Variants in FHIT observed in about 807,000 individuals in gnomAD.
FHIT encodes the protein bis(5'-adenosyl)-triphosphatase.
Under a neutral mutation model 17.9 loss-of-function variants are expected in FHIT, and 19 were observed. The observed-to-expected ratio is 1.06, with a 90% CI of 0.74 to 1.56. The LOEUF (loss-of-function observed/expected upper bound fraction) is 1.56, where lower values mean the gene tolerates loss of function less well. Ranked by LOEUF, FHIT falls within the 40% of genes most tolerant of loss-of-function variation. The pLI, the probability that FHIT is intolerant of heterozygous loss-of-function variation, is 0.00. For missense variants in FHIT, 248 were observed against 189.2 expected (o/e 1.31, Z -1.82); for synonymous variants, 81 against 69.7 (o/e 1.16, Z -0.81).
intron 4 of FHIT, among the ~76,000 whole-genome samples, chr3:60,810,541 C>T (rs1451101377): frequency 3.9e-5 from 6 of 152,134 alleles, no homozygotes; most frequent in African/African-American, 1.2e-4. Flanking sequence ...CAAGAGAGCA[C>T]TACACATTAG....
At chr3:60,163,652 T>C (rs1289745358) in intron 5 of FHIT, among the ~76,000 whole-genome samples, 1 of 152,168 alleles carries the variant, frequency 6.6e-6, no homozygotes, top group Non-Finnish European at 1.5e-5. Flanking sequence ...TTCTATGGTT[T>C]ACAGCAGAGT....
At chr3:61,208,480 T>C (rs1049844136) in intron 1 of FHIT, among the ~76,000 whole-genome samples, 2 of 152,106 alleles carry the variant, frequency 1.3e-5, no homozygotes, top group African/African-American at 4.8e-5. Context: ...AGGACTTGCT[T>C]TATGAATCTG....
At chr3:60,712,188 G>C (rs1369907416) in intron 4 of FHIT, among the ~76,000 whole-genome samples, 1 of 152,114 alleles carries the variant, frequency 6.6e-6, no homozygotes, top group Non-Finnish European at 1.5e-5. Flanking sequence ...AGCTTCATAA[G>C]TGAAGGAGAA....
chr3:60,358,531 A>T (rs1699769235), intron 5 of FHIT, among the ~76,000 whole-genome samples: 3 of 152,242 alleles, frequency 2.0e-5, no homozygotes, highest in Admixed American at 2.0e-4. Flanking sequence ...ATCATTGAGC[A>T]AATATTACTG....
At chr3:59,773,143 G>C (rs1466361524) in intron 8 of FHIT, among the ~76,000 whole-genome samples, 3 of 152,164 alleles carry the variant, frequency 2.0e-5, no homozygotes, top group Non-Finnish European at 4.4e-5. Flanking sequence ...ATCTTATTCT[G>C]TAAGGCCCCT....
intron 3 of FHIT, among the ~76,000 whole-genome samples, chr3:60,991,571 A>G (rs2030219220): frequency 6.6e-6 from 1 of 152,186 alleles, no homozygotes; most frequent in African/African-American, 2.4e-5. Context: ...CAGTACGGGT[A>G]GTGATTAAGA....
intron 5 of FHIT, among the ~76,000 whole-genome samples, chr3:60,233,222 C>T (rs1304448699): frequency 1.3e-5 from 2 of 152,180 alleles, no homozygotes; most frequent in Non-Finnish European, 2.9e-5. Flanking sequence ...AGAGTAAAAT[C>T]TTAAGAACTT....
intron 4 of FHIT, among the ~76,000 whole-genome samples, chr3:60,629,940 G>A (rs572254485): frequency 6.6e-6 from 1 of 152,256 alleles, no homozygotes; most frequent in South Asian, 2.1e-4. Flanking sequence ...ACACTTGATA[G>A]CTGCTCCCAA....
intron 3 of FHIT, among the ~76,000 whole-genome samples, chr3:60,876,008 C>A (rs916679976): frequency 2.0e-5 from 3 of 150,360 alleles, no homozygotes; most frequent in African/African-American, 7.3e-5. Context: ...TTTCCCAGGC[C>A]TCAATGCAAT....
intron 3 of FHIT, among the ~76,000 whole-genome samples, chr3:60,863,437 G>C (rs1267202584): frequency 1.3e-5 from 2 of 152,166 alleles, no homozygotes; most frequent in African/African-American, 2.4e-5. Flanking sequence ...ATTCATCATA[G>C]TTTGTTATGA....
At chr3:60,372,183 T>C (rs898990957) in intron 5 of FHIT, among the ~76,000 whole-genome samples, 3 of 152,204 alleles carry the variant, frequency 2.0e-5, no homozygotes, top group African/African-American at 7.2e-5. Context: ...TGTTGTTTCC[T>C]AGCCTAAAAA....
chr3:60,547,695 C>A (rs2036412959), intron 4 of FHIT, among the ~76,000 whole-genome samples: 2 of 152,124 alleles, frequency 1.3e-5, no homozygotes, highest in Admixed American at 6.5e-5. Flanking sequence ...CAGCTGGTAG[C>A]ATAACACTTT....
At chr3:59,956,986 G>T (rs1043080673) in intron 7 of FHIT, among the ~76,000 whole-genome samples, 2 of 152,106 alleles carry the variant, frequency 1.3e-5, no homozygotes, top group Non-Finnish European at 2.9e-5. Context: ...GAGACTTATT[G>T]TCCATTTCTG....
chr3:61,178,035 G>A (rs1254065342), intron 2 of FHIT, among the ~76,000 whole-genome samples: 1 of 152,152 alleles, frequency 6.6e-6, no homozygotes. Flanking sequence ...CCACTTGAAG[G>A]ATGGCAAAGG....
intron 8 of FHIT, among the ~76,000 whole-genome samples, chr3:59,760,830 T>TGGCC (rs1400474077): frequency 1.5e-5 from 2 of 132,716 alleles, no homozygotes; most frequent in African/African-American, 3.5e-5. Flanking sequence ...CATTTAGAGG[T>TGGCC]AATTTTTTTT....
In FHIT at chr3:59,793,562, T is replaced by G. The variant is rs577589166; in HGVS notation, c.349-41241A>C. 4.2e-3 allele frequency among the ~76,000 whole-genome samples: 644 copies of G among 152,268 alleles called. 5 individuals are homozygous for G. Among genetic ancestry groups the G allele is most frequent in the African/African-American group, 0.015 (611 of 41,564 alleles). ...TCATCAAACTCAAACCTTCCCCCTCTTCCCCTCTCGCACTGCCTCCCCAGA... is the reference window on the plus strand; with the variant it reads ...TCATCAAACTCAAACCTTCCCCCTCGTCCCCTCTCGCACTGCCTCCCCAGA... On this transcript the variant is annotated intron_variant, in intron 8 of 9. Transcript: ENST00000492590.
At position 61,230,283 on chromosome 3, in the gene FHIT, C is replaced by T. The variant is rs1476493987; in HGVS notation, c.-213+21018G>A. Among the ~76,000 whole-genome samples the T allele has an allele frequency of 3.3e-5, 5 of 152,284 alleles. No individual in the cohort carries two copies. In the South Asian group the frequency reaches 1.0e-3, roughly 32 times the overall value. On this transcript the variant is annotated intron_variant, in intron 1 of 9. Transcript: ENST00000492590. The stretch of plus-strand genomic sequence containing the variant: ...TTCATGAATGGTTTAGCACTATCCT[C>T]TTGGTGCTGTCCTCATAATAGTGAG...
chr3:60,680,724 G>A (rs926246921), intron 4 of FHIT, among the ~76,000 whole-genome samples: 1 of 152,128 alleles, frequency 6.6e-6, no homozygotes, highest in East Asian at 1.9e-4. Flanking sequence ...AAAGCAAGCT[G>A]AGTGACAACA....
intron 2 of FHIT, among the ~76,000 whole-genome samples, chr3:61,178,731 G>C (rs554120035): frequency 2.6e-5 from 4 of 151,980 alleles, no homozygotes; most frequent in African/African-American, 9.6e-5. Context: ...ATGACCTTTG[G>C]AACCCTAGTA....
Sources: allele counts gnomAD v4.1 joint callset (sites outside exome capture counted in the v4.1 genomes callset), GRCh38; gene constraint gnomAD v4.1.1; transcripts MANE v1.5; gene names NCBI Gene and HGNC (gene_info 2026-07-23, HGNC 2026-07-21).